The following DHRS4L2 variants were observed in gnomAD, a reference collection of about 807,000 sequenced individuals.
DHRS4L2 encodes dehydrogenase/reductase 4 like 2, also known as dehydrogenase/reductase SDR family member 4-like 2.
In DHRS4L2, 22 loss-of-function variants were observed where a neutral mutation model predicts 23.9. The observed-to-expected ratio is 0.92, with a 90% CI of 0.66 to 1.31. DHRS4L2 has a LOEUF of 1.31. Ranked by LOEUF, DHRS4L2 falls within the 40% of genes most tolerant of loss-of-function variation. The pLI is 0.00. For synonymous variants in DHRS4L2, 141 were observed against 123.7 expected, an observed-to-expected ratio of 1.14 and a Z score of -0.93; for missense variants, 385 against 303.3, an observed-to-expected ratio of 1.27 and a Z score of -2.00.
At chr14:23,970,167 C>G (rs976218470) in exon 1 of DHRS4L2, 2 of 455,544 alleles carry the variant, frequency 4.4e-6, no homozygotes, top group Non-Finnish European at 8.8e-6. Context: ...TTGGGACGCC[C>G]CGTCTGGTAG....
In DHRS4L2 at chr14:24,001,252, C is replaced by G. The variant is rs2034482221; in HGVS notation, c.532-132C>G. 8 of 1,567,594 alleles carry G rather than the reference C, an allele frequency of 5.1e-6. No homozygotes were observed. In the East Asian group the frequency reaches 6.8e-5, roughly 13 times the overall value. On this transcript the variant is annotated intron_variant, in intron 5 of 7. Coordinates refer to ENST00000335125, the MANE Select transcript of DHRS4L2 (RefSeq NM_198083.4). ...AAACCATAACCTAGGGGAGGTTTAG[C>G]CACAAGACAGTTTCCTAACTCTGCC... is the stretch of plus-strand genomic sequence containing the variant.
Position 23,988,946 on chromosome 14 carries a change from C to A in DHRS4L2, c.-2C>A, listed in dbSNP as rs1299756336. 1.9e-6 allele frequency: 3 copies of A among 1,611,842 alleles called. No homozygotes were observed. The highest frequency in any genetic ancestry group is 1.1e-5 in the South Asian group (1 of 90,840). Reference sequence around the variant, plus strand: ...TGGAACCCAGACTTGCTGGTCTGATCCATGCAGATGGCCAGGCTGCTAGGC... The same window carrying A: ...TGGAACCCAGACTTGCTGGTCTGATACATGCAGATGGCCAGGCTGCTAGGC... On this transcript the variant is annotated 5_prime_UTR_variant, in exon 1 of 8. Transcript: ENST00000335125.
chr14:23,991,002 G>A lies in DHRS4L2; in HGVS notation c.306+643G>A, dbSNP rs533437906. The A allele has an allele frequency of 5.0e-6, 3 of 596,806 alleles. No individual in the cohort carries two copies. The South Asian group carries it at 2.2e-4, about 44-fold the overall frequency. The allele number at this position is 596,806 out of a possible 1,614,324, so 37.0% of individuals were successfully genotyped here. A position where few individuals can be genotyped will look rare whatever the true frequency, so the allele number is the denominator to read the frequency against. On this transcript the variant is annotated intron_variant, in intron 2 of 7. Transcript: ENST00000335125. ...AGTACATAAGTCAATGTCATAATTA[G>A]TAGTGGACAACAGCCTTGCAGCTGC...
chr14:23,992,435 C>T (rs532196473), intron 2 of DHRS4L2, among the ~76,000 whole-genome samples: 11 of 151,674 alleles, frequency 7.3e-5, no homozygotes, highest in Non-Finnish European at 1.3e-4. Flanking sequence ...TTTGAAATGT[C>T]TTCTGCCAGT....
chr14:23,982,531 G>A (rs979171779), intron 1 of DHRS4L2, among the ~76,000 whole-genome samples: 2 of 129,086 alleles, frequency 1.5e-5, no homozygotes, highest in Non-Finnish European at 3.1e-5. Context: ...ACAGCTGGAG[G>A]CATCACGCTA....
chr14:23,992,578 T>C (rs1373616391), intron 2 of DHRS4L2, among the ~76,000 whole-genome samples: 2 of 151,314 alleles, frequency 1.3e-5, no homozygotes, highest in Non-Finnish European at 2.9e-5. Context: ...GCCTATCTGC[T>C]TGATTATATT....
At chr14:23,989,112 G>A (rs1214088867) in intron 1 of DHRS4L2, 37 bp downstream of exon 1, 1 of 1,549,964 alleles carries the variant, frequency 6.5e-7, no homozygotes, top group Non-Finnish European at 8.7e-7. Flanking sequence ...GGCCCTGGCT[G>A]CCTGGAAACA....
chr14:23,989,059 A>C lies in DHRS4L2; in HGVS notation c.112A>C (p.Thr38Pro). The stretch of plus-strand genomic sequence containing the variant: ...GCTCACAAATAAGGTGGCCCTGGTA[A>C]CGGCCTCCACCGACGGGTGAGTGTT... ...DPLTNKVALV[T>P]ASTDGIGFAI... The change falls in exon 1 of 8, where the codon ACG becomes CCG. Residue 38 changes from threonine to proline, a missense_variant. Thr to Pro is a conservative substitution (Grantham distance 38). Coordinates refer to ENST00000335125, the MANE Select transcript of DHRS4L2 (RefSeq NM_198083.4). 2.5e-6 allele frequency: 4 copies of C among 1,581,974 alleles called. No homozygotes were observed. The highest frequency in any genetic ancestry group is 3.4e-6 in the Non-Finnish European group (4 of 1,164,376).
intron 1 of DHRS4L2, among the ~76,000 whole-genome samples, chr14:23,989,822 C>G (rs200223714): frequency 6.6e-6 from 1 of 151,606 alleles, no homozygotes; most frequent in South Asian, 2.1e-4. Context: ...AGAAACCTGG[C>G]GGCAGGACTG....
At position 23,995,074 on chromosome 14, in the gene DHRS4L2, G is replaced by A. The variant is rs557070353; in HGVS notation, c.349G>A (p.Ala117Thr). 4.5e-4 allele frequency: 727 copies of A among 1,613,048 alleles called. 20 individuals are homozygous for A. The South Asian group carries it at 7.5e-3, about 17-fold the overall frequency. Reference sequence around the variant, plus strand: ...AGGTATCGATATCCTAGTCTCCAATGCTGCTGTCAACCCTTTCTTTGGAAG... The same window carrying A: ...AGGTATCGATATCCTAGTCTCCAATACTGCTGTCAACCCTTTCTTTGGAAG... ...HGGIDILVSN[A>T]AVNPFFGSLM... The change falls in exon 3 of 8, where the codon GCT becomes ACT. Residue 117 changes from alanine to threonine, a missense_variant. Transcript: ENST00000335125.
exon 1 of DHRS4L2, chr14:23,969,933 G>C (rs771568186): frequency 4.6e-5 from 21 of 451,922 alleles, no homozygotes; most frequent in East Asian, 1.4e-4. Context: ...GGCCCGGTGG[G>C]GGGAGGGGCG....
intron 7 of DHRS4L2, among the ~76,000 whole-genome samples, chr14:24,005,480 G>T (rs1032717493): frequency 1.3e-5 from 2 of 152,032 alleles, no homozygotes; most frequent in Non-Finnish European, 2.9e-5. Context: ...AGCTGAACCT[G>T]TACAAATGGA....
chr14:23,979,458 A>G (rs2034022358), intron 1 of DHRS4L2, among the ~76,000 whole-genome samples: 1 of 102,158 alleles, frequency 9.8e-6, no homozygotes, highest in Non-Finnish European at 1.8e-5. Flanking sequence ...GACCTAATAG[A>G]CATCTACAGA....
chr14:23,973,593 T>A (rs2033910320), intron 1 of DHRS4L2, among the ~76,000 whole-genome samples: 1 of 151,654 alleles, frequency 6.6e-6, no homozygotes. Context: ...AAAGCAGGGA[T>A]TGCAATCCTG....
upstream of DHRS4L2, chr14:23,988,860 G>A (rs2034203044): frequency 2.0e-6 from 3 of 1,517,346 alleles, no homozygotes; most frequent in Non-Finnish European, 2.7e-6. Flanking sequence ...GGGCAGGCAG[G>A]GAAGCGGCCC....
Position 23,990,311 on chromosome 14 carries a change from T to C in DHRS4L2, c.258T>C (p.Thr86=), listed in dbSNP as rs45583341. 0.11 allele frequency: 178,988 copies of C among 1,570,594 alleles called. 16,582 individuals are homozygous for C. Among genetic ancestry groups the C allele is most frequent in the East Asian group, 0.26 (11,518 of 44,732 alleles). Residue 86 remains threonine, a synonymous_variant, in exon 2 of 8, where the codon ACT becomes ACC. Transcript: ENST00000335125. The part of the protein sequence containing the change: ...LQGEGLSVTG[T]VCHVGKAEDR... Reference sequence around the variant, plus strand: ...GGGAGGGGCTGAGCGTGACGGGCACTGTGTGCCATGTGGGGAAGGCGGAGG... The same window carrying C: ...GGGAGGGGCTGAGCGTGACGGGCACCGTGTGCCATGTGGGGAAGGCGGAGG...
intron 1 of DHRS4L2, among the ~76,000 whole-genome samples, chr14:23,970,683 C>T (rs991368373): frequency 6.1e-4 from 93 of 152,144 alleles, no homozygotes; most frequent in African/African-American, 2.2e-3. Flanking sequence ...GGTCCCTGAC[C>T]CCCATGTAGC....
chr14:23,986,281 TCTCA>T (rs2034138270), upstream of DHRS4L2, among the ~76,000 whole-genome samples: 2 of 151,190 alleles, frequency 1.3e-5, no homozygotes, highest in African/African-American at 4.9e-5. Context: ...CACTGCATGT[TCTCA>T]CTCATAGGTG....
chr14:23,990,897 G>A (rs2034255587), intron 2 of DHRS4L2: 1 of 792,670 alleles, frequency 1.3e-6, no homozygotes, highest in East Asian at 1.3e-4. Flanking sequence ...AGCCAGTAAG[G>A]AAAGACCCAG....
Sources: gnomAD v4.1 joint callset for allele counts (sites outside exome capture counted in the v4.1 genomes callset) on GRCh38, gnomAD v4.1.1 for gene constraint, MANE v1.5 for transcripts, NCBI Gene and HGNC (gene_info 2026-07-23, HGNC 2026-07-21) for gene names.